Variants in CCSER1 observed in about 807,000 individuals in gnomAD.
The protein encoded by CCSER1 is serine-rich coiled-coil domain-containing protein 1.
CCSER1 carries 41 observed loss-of-function variants against 82.0 expected under a neutral mutation model. The observed-to-expected ratio is 0.50, with a 90% CI of 0.39 to 0.65. The LOEUF (loss-of-function observed/expected upper bound fraction) is 0.65. Ranked by LOEUF, CCSER1 falls within the 30% of genes least tolerant of loss-of-function variation. CCSER1 has a pLI of 0.00. For synonymous variants in CCSER1, 414 were observed against 383.9 expected, an observed-to-expected ratio of 1.08 and a Z score of -0.92; for missense variants, 1,119 against 1,064.2, an observed-to-expected ratio of 1.05 and a Z score of -0.72.
chr4:91,589,393 C>T (rs2110336038), intron 10 of CCSER1, among the ~76,000 whole-genome samples: 1 of 151,814 alleles, frequency 6.6e-6, no homozygotes, highest in African/African-American at 2.4e-5. Context: ...TTATTGGACT[C>T]CAGAATTTCT....
Position 90,140,917 on chromosome 4 carries a change from A to G in CCSER1, c.-42+13086A>G, listed in dbSNP as rs183251965. On this transcript the variant is annotated intron_variant, in intron 1 of 10. Transcript: ENST00000509176. ...CCTGACCTCGTGATCTGCCCGCCTCAGCCTCCCAAAGTGCTGGGATTACCG... is the reference window on the plus strand; with the variant it reads ...CCTGACCTCGTGATCTGCCCGCCTCGGCCTCCCAAAGTGCTGGGATTACCG... 2.1e-3 allele frequency among the ~76,000 whole-genome samples: 318 copies of G among 151,868 alleles called. 4 individuals carry two copies. The highest frequency in any genetic ancestry group is 6.6e-3 in the African/African-American group (274 of 41,438).
chr4:91,150,478 T>C (rs1222789372), intron 10 of CCSER1, among the ~76,000 whole-genome samples: 2 of 152,182 alleles, frequency 1.3e-5, no homozygotes, highest in African/African-American at 2.4e-5. Context: ...TATTTCTTTC[T>C]CCTGCCTGAT....
chr4:90,402,760 G>A (rs958270011), intron 4 of CCSER1, among the ~76,000 whole-genome samples: 1 of 152,146 alleles, frequency 6.6e-6, no homozygotes, highest in Non-Finnish European at 1.5e-5. Context: ...TTTACTTGGG[G>A]ACAAAATCAA....
chr4:90,300,603 T>C (rs1732907569), intron 1 of CCSER1, among the ~76,000 whole-genome samples: 1 of 152,140 alleles, frequency 6.6e-6, no homozygotes, highest in Non-Finnish European at 1.5e-5. Flanking sequence ...TCATTAGCTC[T>C]GACTCATAAT....
chr4:91,404,315 A>T (rs1374472299), intron 10 of CCSER1, among the ~76,000 whole-genome samples: 1 of 151,928 alleles, frequency 6.6e-6, no homozygotes, highest in Non-Finnish European at 1.5e-5. Context: ...CTAGCAGTCT[A>T]TCAATTTTGT....
intron 10 of CCSER1, among the ~76,000 whole-genome samples, chr4:91,381,209 C>T (rs1417623654): frequency 6.6e-6 from 1 of 152,118 alleles, no homozygotes; most frequent in African/African-American, 2.4e-5. Flanking sequence ...TTTGGTGAAT[C>T]TGACAATTAT....
intron 5 of CCSER1, among the ~76,000 whole-genome samples, chr4:90,529,761 A>T (rs999837632): frequency 5.3e-5 from 8 of 152,000 alleles, no homozygotes; most frequent in Non-Finnish European, 1.2e-4. Context: ...ATTACTTTTC[A>T]GCTCCTCTAT....
At chr4:91,262,683 G>A (rs546716804) in intron 10 of CCSER1, among the ~76,000 whole-genome samples, 1 of 151,896 alleles carries the variant, frequency 6.6e-6, no homozygotes, top group Non-Finnish European at 1.5e-5. Context: ...AGATCATAAA[G>A]CTCTTTAATT....
At chr4:91,094,721 T>G (rs1724325967) in intron 10 of CCSER1, among the ~76,000 whole-genome samples, 1 of 152,126 alleles carries the variant, frequency 6.6e-6, no homozygotes, top group Non-Finnish European at 1.5e-5. Context: ...AGGATTGTCC[T>G]CCGCCCATAC....
intron 6 of CCSER1, among the ~76,000 whole-genome samples, chr4:90,659,840 C>G (rs1730427684): frequency 6.6e-6 from 1 of 151,654 alleles, no homozygotes. Flanking sequence ...GTAAGATATC[C>G]CATTGTGGCT....
At chr4:90,765,122 C>A (rs1580362972) in intron 7 of CCSER1, among the ~76,000 whole-genome samples, 1 of 152,196 alleles carries the variant, frequency 6.6e-6, no homozygotes, top group East Asian at 1.9e-4. Context: ...TAATTCTTAG[C>A]AAATAGGTCG....
intron 1 of CCSER1, among the ~76,000 whole-genome samples, chr4:90,277,072 G>C (rs569919720): frequency 6.6e-6 from 1 of 151,708 alleles, no homozygotes; most frequent in Admixed American, 6.6e-5. Flanking sequence ...TTATTTGGAT[G>C]CCTTTTTTTT....
intron 10 of CCSER1, among the ~76,000 whole-genome samples, chr4:91,173,853 T>C (rs1220478862): frequency 6.6e-6 from 1 of 152,168 alleles, no homozygotes; most frequent in Non-Finnish European, 1.5e-5. Context: ...TATGTTATAT[T>C]CACTATTCTC....
At chr4:90,941,559 G>T (rs1731584752) in intron 9 of CCSER1, among the ~76,000 whole-genome samples, 1 of 152,056 alleles carries the variant, frequency 6.6e-6, no homozygotes. Flanking sequence ...GCAACTAGAA[G>T]TAGAAATGTC....
chr4:91,301,278 C>G (rs150071803), intron 10 of CCSER1, among the ~76,000 whole-genome samples: 1 of 151,746 alleles, frequency 6.6e-6, no homozygotes, highest in African/African-American at 2.4e-5. Flanking sequence ...AATACATTGT[C>G]TACTGAAATA....
rs532367036 is a variant in CCSER1, at chr4:90,548,275, A to C, written c.1725-79750A>C. Among the ~76,000 whole-genome samples, 3 of 152,306 alleles carry C rather than the reference A, an allele frequency of 2.0e-5. No individual in the cohort carries two copies. The East Asian group carries it at 5.8e-4, about 29-fold the overall frequency. On this transcript the variant is annotated intron_variant, in intron 5 of 10. Transcript: ENST00000509176. ...TATTAGCAGTCACTTGCTCCACTCCAGGTTCAGGCTTCAACAGTACATCCC... is the reference window on the plus strand; with the variant it reads ...TATTAGCAGTCACTTGCTCCACTCCCGGTTCAGGCTTCAACAGTACATCCC...
intron 4 of CCSER1, among the ~76,000 whole-genome samples, chr4:90,406,980 C>G (rs1034245059): frequency 6.6e-6 from 1 of 151,992 alleles, no homozygotes; most frequent in Non-Finnish European, 1.5e-5. Flanking sequence ...AACACACACC[C>G]AGCAGAAGAA....
intron 7 of CCSER1, among the ~76,000 whole-genome samples, chr4:90,779,281 T>A (rs1753412593): frequency 6.6e-6 from 1 of 152,218 alleles, no homozygotes; most frequent in Non-Finnish European, 1.5e-5. Flanking sequence ...TCAGGTGTTT[T>A]CTTCCTCTTT....
At chr4:90,189,474 T>G (rs1735218626) in intron 1 of CCSER1, among the ~76,000 whole-genome samples, 2 of 151,840 alleles carry the variant, frequency 1.3e-5, no homozygotes, top group African/African-American at 4.8e-5. Flanking sequence ...GCACTGAGCA[T>G]ATGGATGTGC....
Sources: gnomAD v4.1 joint callset for allele counts (sites outside exome capture counted in the v4.1 genomes callset) on GRCh38, gnomAD v4.1.1 for gene constraint, MANE v1.5 for transcripts, NCBI Gene and HGNC (gene_info 2026-07-23, HGNC 2026-07-21) for gene names.